ZNF804A: variants seen among roughly 807,000 people sequenced by gnomAD.
ZNF804A encodes the protein zinc finger protein 804A.
In ZNF804A, 2 loss-of-function variants were observed where a neutral mutation model predicts 16.5. That is an observed-to-expected ratio of 0.12 (90% CI 0.05 to 0.38). The LOEUF (loss-of-function observed/expected upper bound fraction) is 0.38, where lower values mean the gene tolerates loss of function less well. ZNF804A is among the 10% of genes least tolerant of loss of function. The pLI is 0.99. For synonymous variants in ZNF804A, 534 were observed against 489.6 expected, an observed-to-expected ratio of 1.09 and a Z score of -1.20; for missense variants, 1,473 against 1,390.7, an observed-to-expected ratio of 1.06 and a Z score of -0.94.
chr2:184,899,882 A>T (rs940783868), intron 2 of ZNF804A, among the ~76,000 whole-genome samples: 1 of 152,000 alleles, frequency 6.6e-6, no homozygotes, highest in Admixed American at 6.6e-5. Flanking sequence ...TTGCAAAAGT[A>T]AAGTTTTTCT....
At chr2:184,764,488 T>G (rs1694086924) in intron 1 of ZNF804A, among the ~76,000 whole-genome samples, 1 of 152,194 alleles carries the variant, frequency 6.6e-6, no homozygotes, top group African/African-American at 2.4e-5. Context: ...GTGATTTGAC[T>G]TTCAGAATTC....
intron 1 of ZNF804A, among the ~76,000 whole-genome samples, chr2:184,851,190 A>G (rs1330202400): frequency 6.6e-6 from 1 of 151,856 alleles, no homozygotes; most frequent in Non-Finnish European, 1.5e-5. Flanking sequence ...TTGTTTGTGG[A>G]GAGAGCACGT....
At chr2:184,647,113 T>C (rs551938555) in intron 1 of ZNF804A, among the ~76,000 whole-genome samples, 1 of 152,260 alleles carries the variant, frequency 6.6e-6, no homozygotes, top group African/African-American at 2.4e-5. Flanking sequence ...AAGAAATGCA[T>C]AGGTTTATAG....
chr2:184,746,012 T>C (rs1693784353), intron 1 of ZNF804A, among the ~76,000 whole-genome samples: 1 of 151,652 alleles, frequency 6.6e-6, no homozygotes, highest in African/African-American at 2.4e-5. Context: ...TAAGCTTTAT[T>C]TTTTCCCCTA....
chr2:184,673,405 A>G (rs1692369735), intron 1 of ZNF804A, among the ~76,000 whole-genome samples: 1 of 152,196 alleles, frequency 6.6e-6, no homozygotes, highest in African/African-American at 2.4e-5. Context: ...TTACACATTT[A>G]CCATATCTTG....
intron 1 of ZNF804A, among the ~76,000 whole-genome samples, chr2:184,668,592 A>T (rs190109503): frequency 2.0e-5 from 3 of 152,078 alleles, no homozygotes; most frequent in Non-Finnish European, 4.4e-5. Flanking sequence ...CAGAAGGTTC[A>T]AAAACTCTTG....
In ZNF804A at chr2:184,936,382, TCCCATTAG is replaced by T. The variant is rs1559008522; in HGVS notation, c.988_995del (p.Pro330ArgfsTer11). On this transcript the variant is annotated frameshift_variant, in exon 4 of 4. Transcript: ENST00000302277. LOFTEE classifies it low-confidence loss of function (END_TRUNC). ...GATGCAGATAATTGTCAAAATTCAG[TCCCATTAG>T]CAGATCAAATACCACTAGAGAGTGT... 6.2e-7 allele frequency: 1 copy of T among 1,614,006 alleles called. No individual in the cohort carries two copies.
intron 1 of ZNF804A, among the ~76,000 whole-genome samples, chr2:184,850,066 G>A (rs966096293): frequency 6.6e-6 from 1 of 151,876 alleles, no homozygotes; most frequent in African/African-American, 2.4e-5. Flanking sequence ...ACCAGCAGCA[G>A]GGAAGGGTAG....
chr2:184,736,821 T>A (rs1693621778), intron 1 of ZNF804A, among the ~76,000 whole-genome samples: 1 of 152,062 alleles, frequency 6.6e-6, no homozygotes, highest in Admixed American at 6.5e-5. Context: ...AATAAGTTTT[T>A]TCTCTTCCCT....
chr2:184,599,994 C>T (rs151200278), intron 1 of ZNF804A, among the ~76,000 whole-genome samples: 199 of 152,228 alleles, frequency 1.3e-3, no homozygotes, highest in African/African-American at 4.5e-3. Flanking sequence ...AGGCTTAGTA[C>T]TGCAAAGAGT....
chr2:184,763,295 T>C (rs1274435321), intron 1 of ZNF804A, among the ~76,000 whole-genome samples: 2 of 152,140 alleles, frequency 1.3e-5, no homozygotes, highest in African/African-American at 4.8e-5. Flanking sequence ...CCAGCGTCTT[T>C]ATAACAAGGA....
At chr2:184,701,343 G>T (rs1040883453) in intron 1 of ZNF804A, among the ~76,000 whole-genome samples, 1 of 151,858 alleles carries the variant, frequency 6.6e-6, no homozygotes, top group African/African-American at 2.4e-5. Flanking sequence ...AAACACAATA[G>T]AAAAAGGCAA....
intron 2 of ZNF804A, chr2:184,902,480 T>A (rs1464839954): frequency 1.3e-5 from 2 of 152,292 alleles, no homozygotes; most frequent in Non-Finnish European, 2.9e-5. Flanking sequence ...AGATGCCTTC[T>A]AGCACTGCAT....
chr2:184,707,538 G>C (rs1429796883), intron 1 of ZNF804A, among the ~76,000 whole-genome samples: 3 of 152,088 alleles, frequency 2.0e-5, no homozygotes, highest in Non-Finnish European at 4.4e-5. Context: ...AGAACATGTA[G>C]TATTTGGTTT....
chr2:184,625,292 A>G (rs1429376070), intron 1 of ZNF804A, among the ~76,000 whole-genome samples: 1 of 152,200 alleles, frequency 6.6e-6, no homozygotes, highest in African/African-American at 2.4e-5. Context: ...ATCAGTTTAT[A>G]CACTATCATT....
intron 1 of ZNF804A, among the ~76,000 whole-genome samples, chr2:184,797,565 CT>C (rs1421027269): frequency 1.3e-5 from 2 of 152,048 alleles, no homozygotes; most frequent in African/African-American, 4.8e-5. Context: ...TTTGTGAGTT[CT>C]TTTCCATTCT....
chr2:184,703,932 T>C (rs552330570), intron 1 of ZNF804A, among the ~76,000 whole-genome samples: 2 of 152,202 alleles, frequency 1.3e-5, no homozygotes, highest in African/African-American at 2.4e-5. Flanking sequence ...ATAAATCTCA[T>C]AGGACTATAC....
At chr2:184,878,412 G>T (rs543190360) in intron 2 of ZNF804A, among the ~76,000 whole-genome samples, 3 of 151,966 alleles carry the variant, frequency 2.0e-5, no homozygotes, top group African/African-American at 2.4e-5. Context: ...ACTAGCTTCC[G>T]ACTTCAATAA....
chr2:184,701,078 T>C (rs1342322338), intron 1 of ZNF804A, among the ~76,000 whole-genome samples: 1 of 151,964 alleles, frequency 6.6e-6, no homozygotes, highest in African/African-American at 2.4e-5. Flanking sequence ...CTCATAAATA[T>C]GTAAAATTAT....
Sources: allele counts gnomAD v4.1 joint callset (sites outside exome capture counted in the v4.1 genomes callset), GRCh38; gene constraint gnomAD v4.1.1; transcripts MANE v1.5; gene names NCBI Gene and HGNC (gene_info 2026-07-23, HGNC 2026-07-21).